The following EEF1G variants were observed in gnomAD, a reference collection of about 807,000 sequenced individuals.
EEF1G encodes elongation factor 1-gamma.
In EEF1G, 14 loss-of-function variants were observed where a neutral mutation model predicts 58.3. The observed-to-expected ratio is 0.24, with a 90% CI of 0.16 to 0.38. The LOEUF (loss-of-function observed/expected upper bound fraction) is 0.38. Ranked by LOEUF, EEF1G falls within the 10% of genes least tolerant of loss-of-function variation. The pLI, the probability that EEF1G is intolerant of heterozygous loss-of-function variation, is 1.00. For missense variants in EEF1G, 322 were observed against 550.1 expected, an observed-to-expected ratio of 0.59 and a Z score of 4.15; for synonymous variants, 180 against 206.8, an observed-to-expected ratio of 0.87 and a Z score of 1.11.
chr11:62,572,454 T>C, intron 2 of EEF1G, 130 bp downstream of exon 2: 1 of 1,262,066 alleles, frequency 7.9e-7, no homozygotes, highest in South Asian at 1.5e-5. Context: ...TATCTCAAAA[T>C]AAAATCACCG....
At chr11:62,561,653 T>C (rs1565259822) in intron 7 of EEF1G, among the ~76,000 whole-genome samples, 1 of 118,794 alleles carries the variant, frequency 8.4e-6, no homozygotes, top group African/African-American at 3.3e-5. Flanking sequence ...AGAGCAAGAC[T>C]CCGTCTCAAA....
In EEF1G at chr11:62,569,865, T is replaced by C. The variant is rs983229093; in HGVS notation, c.522+1100A>G. 3.3e-5 allele frequency among the ~76,000 whole-genome samples: 5 copies of C among 152,194 alleles called. No individual in the cohort carries two copies. The East Asian group carries it at 9.6e-4, about 29-fold the overall frequency. ...TGGACCAGCATCAGTCCAAGAGCTT[T>C]TATTTGGAAACCAGTGACTTGTCAT... On this transcript the variant is annotated intron_variant, in intron 5 of 9. Coordinates refer to ENST00000329251, the MANE Select transcript of EEF1G (RefSeq NM_001404.5).
chr11:62,560,047 T>G lies in EEF1G; in HGVS notation c.1155+22A>C, dbSNP rs1276636151. On this transcript the variant is annotated intron_variant, in intron 9 of 9. Coordinates refer to ENST00000329251, the MANE Select transcript of EEF1G (RefSeq NM_001404.5). ...TATCCCTGCCCCACCCTAAAGAGAC[T>G]CCTCTCCTCCACCTTCCTCACCGGA... The G allele has an allele frequency of 8.7e-6, 14 of 1,613,728 alleles. No homozygotes were observed. The East Asian group carries it at 2.9e-4, about 33-fold the overall frequency.
intron 5 of EEF1G, 141 bp downstream of exon 5, chr11:62,570,824 C>T (rs1485933975): frequency 1.3e-5 from 15 of 1,174,140 alleles, no homozygotes; most frequent in African/African-American, 4.5e-5. Flanking sequence ...CCAGTGTGCT[C>T]GGATTACAGG....
At chr11:62,569,579 G>A (rs1346019083) in intron 5 of EEF1G, among the ~76,000 whole-genome samples, 4 of 152,196 alleles carry the variant, frequency 2.6e-5, no homozygotes, top group East Asian at 3.8e-4. Flanking sequence ...GCTTCAGGTA[G>A]AACTGTTGTC....
rs1418015966 is a variant in EEF1G, at chr11:62,560,182, G to A, written c.1042C>T (p.Arg348Ter). The change falls in exon 9 of 10, where the codon CGA becomes TGA. Residue 348 changes from arginine to a stop codon, truncating the protein, a stop_gained. Transcript: ENST00000329251. LOFTEE classifies it high-confidence loss of function. ...GCATTCTTCCTCAGCTTGTCCAGTC[G>A]CTGGAACATTCCTGAAGCGGCAAGG... Reference protein sequence around the residue: ...SCNLITGMFQRLDKLRKNAFA... With the variant: ...SCNLITGMFQ 6.2e-7 allele frequency: 1 copy of A among 1,614,000 alleles called. No individual in the cohort carries two copies. The highest frequency in any genetic ancestry group is 2.2e-5 in the East Asian group (1 of 44,884).
At chr11:62,567,331 A>G in intron 6 of EEF1G, 68 bp downstream of exon 6, 1 of 1,520,650 alleles carries the variant, frequency 6.6e-7, no homozygotes, top group East Asian at 2.3e-5. Context: ...ACAGGAAATC[A>G]AGGGGTTGAT....
At chr11:62,563,134 TA>T (rs1355869943) in intron 7 of EEF1G, among the ~76,000 whole-genome samples, 130 of 149,608 alleles carry the variant, frequency 8.7e-4, no homozygotes, top group African/African-American at 3.2e-3. Flanking sequence ...CTTTTTTTTT[TA>T]TTTTTCCTTG....
In EEF1G at chr11:62,560,416, T is replaced by C. The variant is rs766058630; in HGVS notation, c.896A>G (p.Asn299Ser). The C allele has an allele frequency of 2.5e-6, 4 of 1,610,084 alleles. No homozygotes were observed. The highest frequency in any genetic ancestry group is 1.7e-5 in the Admixed American group (1 of 59,296). Residue 299 changes from asparagine (N) to serine (S), a missense_variant, in exon 8 of 10, where the codon AAT (asparagine) becomes AGT (serine). Around this residue, in one of 3 missense-constraint regions of EEF1G, gnomAD observed 208 missense variants for 323.7 expected, o/e 0.64. Coordinates refer to ENST00000329251, the MANE Select transcript of EEF1G (RefSeq NM_001404.5). ...CAGTGCCACAGAGAGTGTGTCCTCATTGGAGTACTTGCGCTTAAATTCATC... is the reference window on the plus strand; with the variant it reads ...CAGTGCCACAGAGAGTGTGTCCTCACTGGAGTACTTGCGCTTAAATTCATC... ...VLDEFKRKYS[N>S]EDTLSVALPY...
intron 2 of EEF1G, 101 bp from the exon 3 acceptor site, chr11:62,572,002 T>A (rs892192573): frequency 2.0e-6 from 2 of 981,534 alleles, no homozygotes; most frequent in Non-Finnish European, 3.2e-6. Context: ...ATAAGGCTGA[T>A]GATTCTCACT....
In EEF1G at chr11:62,568,212, AGT is replaced by A. The variant is rs1232201207; in HGVS notation, c.523-686_523-685del. Among the ~76,000 whole-genome samples, 12 of 1,924 alleles carry A rather than the reference AGT, an allele frequency of 6.2e-3. No individual in the cohort carries two copies. In the East Asian group the frequency reaches 0.17, roughly 28 times the overall value. The allele number at this position is 1,924 out of a possible 152,430, so 1.3% of individuals were successfully genotyped here. Reference sequence around the variant, plus strand: ...CACTGCATTCCAGCCTGGGTGACAGAGTGACTCTGTCTCAAAAAAAAAAAAAT... The same window carrying A: ...CACTGCATTCCAGCCTGGGTGACAGAGACTCTGTCTCAAAAAAAAAAAAAT... On this transcript the variant is annotated intron_variant, in intron 5 of 9. Coordinates refer to ENST00000329251, the MANE Select transcript of EEF1G (RefSeq NM_001404.5).
At chr11:62,561,846 G>A (rs1485803607) in intron 7 of EEF1G, among the ~76,000 whole-genome samples, 1 of 152,016 alleles carries the variant, frequency 6.6e-6, no homozygotes, top group Non-Finnish European at 1.5e-5. Context: ...CTCTCTAGCT[G>A]GGAAAGCCGG....
intron 7 of EEF1G, among the ~76,000 whole-genome samples, chr11:62,565,038 A>G (rs947259175): frequency 6.6e-6 from 1 of 151,756 alleles, no homozygotes; most frequent in Non-Finnish European, 1.5e-5. Context: ...ACACCACTGC[A>G]CTCCAGCCTG....
chr11:62,561,309 G>A (rs1034504659), intron 7 of EEF1G, among the ~76,000 whole-genome samples: 1 of 151,944 alleles, frequency 6.6e-6, no homozygotes, highest in African/African-American at 2.4e-5. Context: ...AACCCGAGAG[G>A]CAGAGGTTGC....
At chr11:62,566,665 G>A (rs1941558840) in intron 7 of EEF1G, 141 bp downstream of exon 7, 1 of 816,234 alleles carries the variant, frequency 1.2e-6, no homozygotes, top group Non-Finnish European at 1.9e-6. Flanking sequence ...CCAGAAAGCT[G>A]CTTTATTTGC....
At position 62,559,752 on chromosome 11, in the gene EEF1G, C is replaced by T. The variant is rs568924560; in HGVS notation, c.1241G>A (p.Arg414Gln). The T allele has an allele frequency of 3.7e-6, 6 of 1,613,994 alleles. No individual in the cohort carries two copies. The highest frequency in any genetic ancestry group is 2.2e-5 in the East Asian group (1 of 44,886). The change falls in exon 10 of 10, where the codon CGA becomes CAA. Residue 414 changes from arginine (R) to glutamine (Q), a missense_variant. Coordinates refer to ENST00000329251, the MANE Select transcript of EEF1G (RefSeq NM_001404.5). ...PGSEETQTLV[R>Q]EYFSWEGAFQ... ...GGCCCCCTCCCAGGAAAAGTACTCT[C>T]GAACCAGCGTCTGGGTCTCCTCGCT...
chr11:62,571,088 C>T lies in EEF1G; in HGVS notation c.399G>A (p.Glu133=). The T allele has an allele frequency of 6.2e-7, 1 of 1,613,950 alleles. No individual in the cohort carries two copies. Among genetic ancestry groups the T allele is most frequent in the Non-Finnish European group, 8.5e-7 (1 of 1,179,890 alleles). Residue 133 remains glutamate, a synonymous_variant, in exon 5 of 10, where the codon GAG becomes GAA. Transcript: ENST00000329251. Reference sequence around the variant, plus strand: ...GCAGCCCCAGAATTCGCCTCACTTCCTCCTTTGCATTCTCAGTGGCCTAGT... The same window carrying T: ...GCAGCCCCAGAATTCGCCTCACTTCTTCCTTTGCATTCTCAGTGGCCTAGT... The part of the protein sequence containing the change: ...HNKQATENAK[E]EVRRILGLLD...
chr11:62,560,560 T>C, intron 7 of EEF1G, 106 bp from the exon 8 acceptor site: 2 of 1,310,982 alleles, frequency 1.5e-6, no homozygotes, highest in East Asian at 5.0e-5. Context: ...AAGGAAATGG[T>C]CATTGTGCTG....
chr11:62,573,733 C>A, intron 1 of EEF1G, 98 bp downstream of exon 1: 1 of 1,537,548 alleles, frequency 6.5e-7, no homozygotes, highest in South Asian at 1.1e-5. Context: ...ATCAGTTCCC[C>A]ACTCAACCTC....
Sources: gnomAD v4.1 joint callset for allele counts (sites outside exome capture counted in the v4.1 genomes callset) on GRCh38, gnomAD v4.1.1 for gene constraint, gnomAD v4.1.1 regional missense constraint, MANE v1.5 for transcripts, NCBI Gene and HGNC (gene_info 2026-07-23, HGNC 2026-07-21) for gene names.